GTF3C4: variants seen among roughly 807,000 people sequenced by gnomAD.
The protein encoded by GTF3C4 is general transcription factor 3C polypeptide 4.
In GTF3C4, 28 loss-of-function variants were observed where a neutral mutation model predicts 67.5. That is an observed-to-expected ratio of 0.41 (90% CI 0.31 to 0.57). The LOEUF (loss-of-function observed/expected upper bound fraction) is 0.57, where lower values mean the gene tolerates loss of function less well. Among genes scored for constraint, GTF3C4 ranks in the 20% least tolerant of loss-of-function variants. GTF3C4 has a pLI of 0.21. For synonymous variants in GTF3C4, 409 were observed against 393.0 expected (o/e 1.04, Z -0.48); for missense variants, 831 against 1,033.2 (o/e 0.80, Z 2.68).
In GTF3C4 at chr9:132,678,809, C is replaced by G; in HGVS notation, c.1190C>G (p.Ser397Cys). ...AGCTTAGTAGTGGCTGCAAGAGGCT[C>G]TTATGTATTTTGGTGTCTTCTTCTG... ...SCSLVVAARGSYVFWCLLLIS... is the reference protein window; with the variant it reads ...SCSLVVAARGCYVFWCLLLIS... The change falls in exon 2 of 5, where the codon TCT becomes TGT. Residue 397 changes from serine (S) to cysteine (C), a missense_variant. Physicochemically the swap from Ser to Cys is moderately radical, Grantham distance 112. This residue lies in a region of GTF3C4 where 390 missense variants were observed against 540.3 expected (regional missense o/e 0.72). Transcript: ENST00000372146. This position sits in a 1 kb window ranked among gnomAD's most constrained non-coding sequence, Gnocchi z 6.5. The G allele has an allele frequency of 6.2e-7, 1 of 1,614,132 alleles. No individual in the cohort carries two copies. The highest frequency in any genetic ancestry group is 8.5e-7 in the Non-Finnish European group (1 of 1,180,006).
At position 132,679,886 on chromosome 9, in the gene GTF3C4, A is replaced by G; in HGVS notation, c.2184+83A>G. 1 of 1,320,252 alleles carries G rather than the reference A, an allele frequency of 7.6e-7. No individual in the cohort carries two copies. Among genetic ancestry groups the G allele is most frequent in the Non-Finnish European group, 1.0e-6 (1 of 965,798 alleles). The allele number at this position is 1,320,252 out of a possible 1,614,324, so 81.8% of individuals were successfully genotyped here. A position where few individuals can be genotyped will look rare whatever the true frequency, so the allele number is the denominator to read the frequency against. On this transcript the variant is annotated intron_variant, in intron 2 of 4. Transcript: ENST00000372146. This position sits in a 1 kb window ranked among gnomAD's most constrained non-coding sequence, Gnocchi z 5.9. ...GAAATGACCTAAATTGAGTTCCTGA[A>G]GCTCAACTTTTGCTTTGACATTTTT...
At position 132,692,321 on chromosome 9, in the gene GTF3C4, T is replaced by C. The variant is rs1490203960; in HGVS notation, c.*3376T>C. The C allele has an allele frequency of 6.6e-6, 1 of 152,208 alleles. No homozygotes were observed. Among genetic ancestry groups the C allele is most frequent in the East Asian group, 1.9e-4 (1 of 5,200 alleles). 9.4% of individuals were successfully genotyped at this position (152,208 alleles called of 1,614,324 possible). ...TCCTAGAAGAAACTATTGGTAATAT[T>C]TCTTTCTAAAGGTAATAGTATTAAT... On this transcript the variant is annotated 3_prime_UTR_variant, in exon 5 of 5. Transcript: ENST00000372146.
chr9:132,678,893 C>A lies in GTF3C4; in HGVS notation c.1274C>A (p.Pro425Gln). ...CATGTCACAGGCCTTCACTCACTGC[C>A]AATTGTCTCCATGACTGCAGACAAA... ...NSHVTGLHSL[P>Q]IVSMTADKQN... is the part of the protein sequence containing the mutation. Residue 425 changes from proline (P) to glutamine (Q), a missense_variant, in exon 2 of 5, where the codon CCA (proline) becomes CAA (glutamine). Coordinates refer to ENST00000372146, the MANE Select transcript of GTF3C4 (RefSeq NM_012204.4). The surrounding 1 kb of genome is among the most constrained non-coding windows in gnomAD (Gnocchi z 6.5). 1 of 1,614,154 alleles carries A rather than the reference C, an allele frequency of 6.2e-7. No individual in the cohort carries two copies. Among genetic ancestry groups the A allele is most frequent in the South Asian group, 1.1e-5 (1 of 91,084 alleles).
In GTF3C4 at chr9:132,679,461, G is replaced by A. The variant is rs1201962438; in HGVS notation, c.1842G>A (p.Met614Ile). 1 of 1,614,116 alleles carries A rather than the reference G, an allele frequency of 6.2e-7. No individual in the cohort carries two copies. Among genetic ancestry groups the A allele is most frequent in the Admixed American group, 1.7e-5 (1 of 60,008 alleles). Residue 614 changes from methionine to isoleucine, a missense_variant, in exon 2 of 5, where the codon ATG becomes ATA. Physicochemically the swap from Met to Ile is conservative, Grantham distance 10 (BLOSUM62 1). Around this residue, in one of 4 missense-constraint regions of GTF3C4, gnomAD observed 75 missense variants for 66.4 expected, o/e 1.13. Coordinates refer to ENST00000372146, the MANE Select transcript of GTF3C4 (RefSeq NM_012204.4). This position sits in a 1 kb window ranked among gnomAD's most constrained non-coding sequence, Gnocchi z 5.9. ...TCTTACTAGTGGATTCGCCTGGGAT[G>A]GGCAATGCTGACGATGAACAGCAGG... ...SKILLVDSPG[M>I]GNADDEQQEE...
rs187361725 is a variant in GTF3C4 at position 132,683,827 on chromosome 9, T to A, written c.2315+134T>A. On this transcript the variant is annotated intron_variant, in intron 3 of 4. Transcript: ENST00000372146. ...CCAATTTGTTGGAGAAAAGCTGCTA[T>A]TATAAAGCCTGATGTGGACTTTTTT... 1,489 of 856,338 alleles carry A rather than the reference T, an allele frequency of 1.7e-3. 1 individual carries two copies. Among genetic ancestry groups the A allele is most frequent in the Non-Finnish European group, 2.4e-3 (1,367 of 571,126 alleles). 53.0% of individuals were successfully genotyped at this position (856,338 alleles called of 1,614,324 possible).
chr9:132,678,013 A>G lies in GTF3C4; in HGVS notation c.394A>G (p.Lys132Glu). The G allele has an allele frequency of 6.2e-7, 1 of 1,612,072 alleles. No individual in the cohort carries two copies. The highest frequency in any genetic ancestry group is 8.5e-7 in the Non-Finnish European group (1 of 1,179,210). The part of the protein sequence containing the change: ...SKTEVAECKE[K>E]FAASKDPTVS... ...AACAGAAGTTGCTGAGTGCAAGGAGAAATTCGCCGCCTCCAAGGACCCCAC... is the reference window on the plus strand; with the variant it reads ...AACAGAAGTTGCTGAGTGCAAGGAGGAATTCGCCGCCTCCAAGGACCCCAC... The change falls in exon 2 of 5, where the codon AAA becomes GAA. Residue 132 changes from lysine to glutamate, a missense_variant. Physicochemically the swap from Lys to Glu is moderately conservative, Grantham distance 56 (BLOSUM62 1). This residue lies in a region of GTF3C4 where 237 missense variants were observed against 212.7 expected (regional missense o/e 1.11). Coordinates refer to ENST00000372146, the MANE Select transcript of GTF3C4 (RefSeq NM_012204.4). This position sits in a 1 kb window ranked among gnomAD's most constrained non-coding sequence, Gnocchi z 6.5.
chr9:132,670,919 C>T lies in GTF3C4; in HGVS notation c.321C>T (p.Thr107=), dbSNP rs1158655050. ...NPGQDLVIHR[T]SVPAPLNSCL... is the part of the protein sequence containing the mutation. ...GCCAGGACCTGGTTATCCACCGCAC[C>T]TCGGTGCCCGCACCGCTCAACAGCT... Residue 107 remains threonine, a synonymous_variant, in exon 1 of 5, where the codon ACC becomes ACT. Coordinates refer to ENST00000372146, the MANE Select transcript of GTF3C4 (RefSeq NM_012204.4). The T allele has an allele frequency of 1.2e-6, 2 of 1,612,142 alleles. No homozygotes were observed. The highest frequency in any genetic ancestry group is 1.7e-6 in the Non-Finnish European group (2 of 1,179,692).
At chr9:132,673,125 A>G (rs1273068787) in intron 1 of GTF3C4, among the ~76,000 whole-genome samples, 4 of 152,236 alleles carry the variant, frequency 2.6e-5, no homozygotes, top group East Asian at 3.9e-4. Context: ...GGAGCTTGCT[A>G]TGAGCCAAGA....
Position 132,679,581 on chromosome 9 carries a change from C to T in GTF3C4, c.1962C>T (p.Pro654=), listed in dbSNP as rs1383669390. Residue 654 remains proline (P), a synonymous_variant, in exon 2 of 5, where the codon CCC becomes CCT. Transcript: ENST00000372146. The surrounding 1 kb of genome is among the most constrained non-coding windows in gnomAD (Gnocchi z 5.9). ...DVEEPTDDSL[P]TTGDAGGREP... Reference sequence around the variant, plus strand: ...AGGAGCCCACTGATGACTCGCTCCCCACGACTGGAGATGCTGGAGGCCGTG... The same window carrying T: ...AGGAGCCCACTGATGACTCGCTCCCTACGACTGGAGATGCTGGAGGCCGTG... The T allele has an allele frequency of 6.8e-6, 11 of 1,613,982 alleles. No individual in the cohort carries two copies. Among genetic ancestry groups the T allele is most frequent in the Non-Finnish European group, 8.5e-6 (10 of 1,180,018 alleles).
rs1253808670 is a variant in GTF3C4 at position 132,679,840 on chromosome 9, G to GC, written c.2184+39dup. ...TTAACAAAAACTCTGAAATTGTAAAGCCTGCTTTCTTCATGAGAAAGAAAT... is the reference window on the plus strand; with the variant it reads ...TTAACAAAAACTCTGAAATTGTAAAGCCCTGCTTTCTTCATGAGAAAGAAAT... On this transcript the variant is annotated intron_variant, in intron 2 of 4. Coordinates refer to ENST00000372146, the MANE Select transcript of GTF3C4 (RefSeq NM_012204.4). This position sits in a 1 kb window ranked among gnomAD's most constrained non-coding sequence, Gnocchi z 5.9. 6.6e-7 allele frequency: 1 copy of GC among 1,518,766 alleles called. No individual in the cohort carries two copies. Among genetic ancestry groups the GC allele is most frequent in the East Asian group, 2.3e-5 (1 of 43,536 alleles). 94.1% of individuals were successfully genotyped at this position (1,518,766 alleles called of 1,614,324 possible). A position where few individuals can be genotyped will look rare whatever the true frequency, so the allele number is the denominator to read the frequency against.
In GTF3C4 at chr9:132,693,011, T is replaced by C. The variant is rs1836141753; in HGVS notation, c.*4066T>C. The C allele has an allele frequency of 6.6e-6, 1 of 152,174 alleles. No individual in the cohort carries two copies. Among genetic ancestry groups the C allele is most frequent in the East Asian group, 1.9e-4 (1 of 5,192 alleles). The allele number at this position is 152,174 out of a possible 1,614,324, so 9.4% of individuals were successfully genotyped here. ...GTCCTTTAATGGAATTCAGCCAAAC[T>C]CCAAAAATACTGAGTTGCTTCTAGT... On this transcript the variant is annotated 3_prime_UTR_variant, in exon 5 of 5. Transcript: ENST00000372146.
intron 1 of GTF3C4, among the ~76,000 whole-genome samples, chr9:132,676,121 G>A (rs577555409): frequency 4.0e-5 from 6 of 151,422 alleles, no homozygotes; most frequent in African/African-American, 9.7e-5. Flanking sequence ...GGATGGTCTC[G>A]ATCTCCTGAC....
chr9:132,687,117 A>G (rs1369498787), intron 3 of GTF3C4, 122 bp from the exon 4 acceptor site: 2 of 736,226 alleles, frequency 2.7e-6, no homozygotes, highest in East Asian at 2.5e-5. Context: ...ATGTATGAGT[A>G]TCATGCTTTC....
chr9:132,679,718 G>T lies in GTF3C4; in HGVS notation c.2099G>T (p.Trp700Leu). 5 of 1,614,036 alleles carry T rather than the reference G, an allele frequency of 3.1e-6. No individual in the cohort carries two copies. Among genetic ancestry groups the T allele is most frequent in the Non-Finnish European group, 4.2e-6 (5 of 1,179,940 alleles). ...RVLGEVYLHT[W>L]ITENTSIPTR... The stretch of plus-strand genomic sequence containing the variant: ...TTAGGAGAAGTGTATCTGCACACCT[G>T]GATCACAGAAAACACTAGCATCCCC... Residue 700 changes from tryptophan to leucine, a missense_variant, in exon 2 of 5, where the codon TGG becomes TTG. Physicochemically the swap from Trp to Leu is moderately conservative, Grantham distance 61. Around this residue, in one of 4 missense-constraint regions of GTF3C4, gnomAD observed 129 missense variants for 213.8 expected, o/e 0.60. Coordinates refer to ENST00000372146, the MANE Select transcript of GTF3C4 (RefSeq NM_012204.4). The surrounding 1 kb of genome is among the most constrained non-coding windows in gnomAD (Gnocchi z 5.9).
intron 4 of GTF3C4, 111 bp downstream of exon 4, chr9:132,687,438 G>T: frequency 2.1e-6 from 1 of 473,980 alleles, no homozygotes; most frequent in Non-Finnish European, 4.0e-6. Context: ...GTATTGTGTT[G>T]TCGGGGGTGG....
rs1836052231 is a variant in GTF3C4, at chr9:132,687,645, A to ATTTTTTC, written c.2404+318_2404+319insTTTTTTC. On this transcript the variant is annotated intron_variant, in intron 4 of 4. Coordinates refer to ENST00000372146, the MANE Select transcript of GTF3C4 (RefSeq NM_012204.4). The stretch of plus-strand genomic sequence containing the variant: ...CAGAGCTTGTTTCAGTAGATGACAT[A>ATTTTTTC]GATAGATTATATTTGAATGTAAACT... 2.6e-5 allele frequency among the ~76,000 whole-genome samples: 4 copies of ATTTTTTC among 152,210 alleles called. 1 individual carries two copies. In the South Asian group the frequency reaches 8.3e-4, roughly 31 times the overall value.
At chr9:132,671,875 T>G (rs1410979713) in intron 1 of GTF3C4, among the ~76,000 whole-genome samples, 3 of 152,186 alleles carry the variant, frequency 2.0e-5, no homozygotes, top group Non-Finnish European at 4.4e-5. Context: ...TCCTGTCAGG[T>G]AGTGATAAGC....
chr9:132,674,989 C>T (rs1406082716), intron 1 of GTF3C4, among the ~76,000 whole-genome samples: 1 of 151,866 alleles, frequency 6.6e-6, no homozygotes, highest in African/African-American at 2.4e-5. Context: ...TGTAGTCACG[C>T]CAGCTGCACT....
intron 1 of GTF3C4, among the ~76,000 whole-genome samples, chr9:132,671,315 G>A (rs1835750804): frequency 6.6e-6 from 1 of 152,072 alleles, no homozygotes. Flanking sequence ...ATCCAACCCG[G>A]GGCCTGCCTC....
Sources: allele counts gnomAD v4.1 joint callset (sites outside exome capture counted in the v4.1 genomes callset), GRCh38; gene constraint gnomAD v4.1.1; regional missense constraint gnomAD v4.1.1; non-coding constraint Gnocchi (gnomAD v3.1); transcripts MANE v1.5; gene names NCBI Gene and HGNC (gene_info 2026-07-23, HGNC 2026-07-21).